Variants in TRAPPC13 observed in about 807,000 individuals in gnomAD.
The protein encoded by TRAPPC13 is trafficking protein particle complex subunit 13.
A neutral mutation model predicts 54.0 loss-of-function variants in TRAPPC13; 39 were observed. The ratio of observed to expected loss-of-function variants is 0.72; its 90% CI spans 0.56 to 0.94. The LOEUF is 0.94. Ranked by LOEUF, TRAPPC13 falls within the 40% of genes least tolerant of loss-of-function variation. The pLI, the probability that TRAPPC13 is intolerant of heterozygous loss-of-function variation, is 0.00. For missense variants in TRAPPC13, 386 were observed against 488.1 expected (o/e 0.79, Z 1.97); for synonymous variants, 148 against 167.7 (o/e 0.88, Z 0.91).
intron 9 of TRAPPC13, 79 bp downstream of exon 9, chr5:65,658,580 G>T: frequency 3.3e-6 from 4 of 1,224,458 alleles, no homozygotes; most frequent in Non-Finnish European, 4.3e-6. Context: ...TCTTCAGTGG[G>T]TTTTTTTTTA....
intron 9 of TRAPPC13, among the ~76,000 whole-genome samples, chr5:65,660,122 G>A (rs1185032971): frequency 6.6e-6 from 1 of 151,918 alleles, no homozygotes; most frequent in Non-Finnish European, 1.5e-5. Flanking sequence ...TCCTCACTGA[G>A]GAAAACAATT....
intron 8 of TRAPPC13, chr5:65,657,876 A>C (rs1756708163): frequency 6.6e-6 from 1 of 152,236 alleles, no homozygotes; most frequent in Non-Finnish European, 1.5e-5. Flanking sequence ...TAAATCCTTC[A>C]AGATTACAAA....
chr5:65,644,488 C>T (rs1466174668), intron 4 of TRAPPC13, among the ~76,000 whole-genome samples: 3 of 152,148 alleles, frequency 2.0e-5, no homozygotes, highest in Non-Finnish European at 4.4e-5. Context: ...CAAAAAACTG[C>T]AGTTATGATT....
At chr5:65,626,904 G>A (rs962166785) in intron 1 of TRAPPC13, among the ~76,000 whole-genome samples, 20 of 151,944 alleles carry the variant, frequency 1.3e-4, no homozygotes, top group African/African-American at 4.8e-4. Context: ...ACTTTGGGAG[G>A]CCGAGGCTGG....
chr5:65,643,984 A>T (rs1756085589), intron 4 of TRAPPC13, among the ~76,000 whole-genome samples: 1 of 152,148 alleles, frequency 6.6e-6, no homozygotes, highest in Non-Finnish European at 1.5e-5. Context: ...TTGTTCAAAG[A>T]TGTTTTTCAA....
At chr5:65,652,683 G>C in intron 7 of TRAPPC13, 138 bp downstream of exon 7, 1 of 728,730 alleles carries the variant, frequency 1.4e-6, no homozygotes, top group Non-Finnish European at 2.5e-6. Context: ...ACAAATTTCA[G>C]TTAAAATTGA....
At chr5:65,640,437 A>G (rs1353153562) in intron 4 of TRAPPC13, among the ~76,000 whole-genome samples, 1 of 152,202 alleles carries the variant, frequency 6.6e-6, no homozygotes, top group Non-Finnish European at 1.5e-5. Flanking sequence ...ACACACAGCC[A>G]TACTCATTTG....
At chr5:65,630,019 C>T (rs1470412339) in intron 1 of TRAPPC13, 9 of 1,535,816 alleles carry the variant, frequency 5.9e-6, no homozygotes, top group African/African-American at 2.7e-5. Context: ...GTACTAAAAA[C>T]GTTTCTCCTT....
chr5:65,625,260 T>A (rs941014216), intron 1 of TRAPPC13, 154 bp downstream of exon 1: 14 of 670,296 alleles, frequency 2.1e-5, no homozygotes, highest in Non-Finnish European at 3.7e-5. Flanking sequence ...CGATTTCTCC[T>A]GGATGCTTTT....
chr5:65,655,268 G>A (rs892533693), intron 7 of TRAPPC13, among the ~76,000 whole-genome samples: 1 of 152,090 alleles, frequency 6.6e-6, no homozygotes, highest in African/African-American at 2.4e-5. Flanking sequence ...TGAATGTGGA[G>A]GATAGTATAT....
In TRAPPC13 at chr5:65,660,824, G is replaced by A; in HGVS notation, c.824G>A (p.Gly275Glu). 1 of 1,613,736 alleles carries A rather than the reference G, an allele frequency of 6.2e-7. No homozygotes were observed. Among genetic ancestry groups the A allele is most frequent in the Non-Finnish European group, 8.5e-7 (1 of 1,179,754 alleles). ...AGIIKGVTVI[G>E]KLDIVWKTNL... Reference sequence around the variant, plus strand: ...ATCATTAAGGGAGTAACAGTAATTGGAAAATTGGATATAGTATGGAAAACA... The same window carrying A: ...ATCATTAAGGGAGTAACAGTAATTGAAAAATTGGATATAGTATGGAAAACA... Residue 275 changes from glycine (G) to glutamate (E), a missense_variant, in exon 10 of 13, where the codon GGA becomes GAA. Gly to Glu is a moderately conservative substitution (Grantham distance 98, BLOSUM62 -2). Coordinates refer to ENST00000399438, the MANE Select transcript of TRAPPC13 (RefSeq NM_024941.4).
At chr5:65,633,878 A>G (rs1162669614) in intron 1 of TRAPPC13, among the ~76,000 whole-genome samples, 1 of 150,900 alleles carries the variant, frequency 6.6e-6, no homozygotes, top group Middle Eastern at 3.2e-3. Context: ...TTTGCACCTT[A>G]TAATGAATAA....
chr5:65,648,136 C>T (rs1216699036), intron 5 of TRAPPC13, among the ~76,000 whole-genome samples: 3 of 152,158 alleles, frequency 2.0e-5, no homozygotes, highest in African/African-American at 7.2e-5. Flanking sequence ...ACCCATCCCT[C>T]CCTCTCCACC....
chr5:65,630,075 C>T (rs951751496), intron 1 of TRAPPC13: 46 of 1,535,970 alleles, frequency 3.0e-5, no homozygotes, highest in Non-Finnish European at 3.9e-5. Flanking sequence ...AATTTACACT[C>T]ACTTTATAGA....
rs540363733 is a variant in TRAPPC13 at position 65,658,722 on chromosome 5, A to T, written c.698+221A>T. Among the ~76,000 whole-genome samples, 598 of 149,576 alleles carry T rather than the reference A, an allele frequency of 4.0e-3. 14 individuals carry two copies. The highest frequency in any genetic ancestry group is 0.036 in the Admixed American group (539 of 14,984). ...TGTTTTTTATTTTATTTTTATTTTT[A>T]TTTATTTATTTATTTATTTATTTTT... On this transcript the variant is annotated intron_variant, in intron 9 of 12. Transcript: ENST00000399438.
At chr5:65,636,143 C>A in intron 3 of TRAPPC13, 100 bp downstream of exon 3, 5 of 682,182 alleles carry the variant, frequency 7.3e-6, no homozygotes, top group Non-Finnish European at 9.3e-6. Context: ...GATACATTTA[C>A]CTTTTTTTTT....
intron 1 of TRAPPC13, chr5:65,626,036 T>TA (rs1755211164): frequency 6.6e-6 from 1 of 152,208 alleles, no homozygotes; most frequent in Non-Finnish European, 1.5e-5. Flanking sequence ...GATTGTCTCT[T>TA]ACTGTGGAAC....
intron 1 of TRAPPC13, chr5:65,629,637 CACA>C: frequency 6.5e-7 from 1 of 1,535,936 alleles, no homozygotes; most frequent in Non-Finnish European, 8.7e-7. Context: ...AGTGATCCCA[CACA>C]ACTGCCAAAA....
intron 4 of TRAPPC13, among the ~76,000 whole-genome samples, chr5:65,642,786 G>A (rs552825096): frequency 2.6e-5 from 4 of 152,142 alleles, no homozygotes; most frequent in Admixed American, 1.3e-4. Flanking sequence ...TTAGCCTCGC[G>A]AGTTGCTGTA....
Sources: gnomAD v4.1 joint callset for allele counts (sites outside exome capture counted in the v4.1 genomes callset) on GRCh38, gnomAD v4.1.1 for gene constraint, MANE v1.5 for transcripts, NCBI Gene and HGNC (gene_info 2026-07-23, HGNC 2026-07-21) for gene names.